The following CNDP1 variants were observed in gnomAD, a reference collection of about 807,000 sequenced individuals.
CNDP1 encodes carnosine dipeptidase 1.
In CNDP1, 44 loss-of-function variants were observed where a neutral mutation model predicts 58.1. The ratio of observed to expected loss-of-function variants is 0.76; its 90% CI spans 0.60 to 0.97. The LOEUF (loss-of-function observed/expected upper bound fraction) is 0.97, where lower values mean the gene tolerates loss of function less well. Among genes scored for constraint, CNDP1 ranks in the 50% least tolerant of loss-of-function variants. The pLI, the probability that CNDP1 is intolerant of heterozygous loss-of-function variation, is 0.00. For missense variants in CNDP1, 616 were observed against 655.1 expected, an observed-to-expected ratio of 0.94 and a Z score of 0.65; for synonymous variants, 254 against 252.6, an observed-to-expected ratio of 1.01 and a Z score of -0.05.
At chr18:74,540,221 G>A (rs112363159) in intron 1 of CNDP1, among the ~76,000 whole-genome samples, 1,773 of 150,286 alleles carry the variant, frequency 0.012, 28 homozygotes, top group African/African-American at 0.039. Flanking sequence ...GCAATGGCGC[G>A]ATCTCAGCTC....
chr18:74,584,918 CT>C lies in CNDP1; in HGVS notation c.*357del, dbSNP rs1302709054. The C allele has an allele frequency of 5.3e-6, 1 of 190,356 alleles. No homozygotes were observed. The highest frequency in any genetic ancestry group is 1.1e-5 in the Non-Finnish European group (1 of 91,450). 11.8% of individuals were successfully genotyped at this position (190,356 alleles called of 1,614,324 possible). ...ATCACTCCAGTTTGCTTTCTAGGTCCTCAAGTGCTCGTGACACATAATCATT... is the reference window on the plus strand; with the variant it reads ...ATCACTCCAGTTTGCTTTCTAGGTCCCAAGTGCTCGTGACACATAATCATT... On this transcript the variant is annotated 3_prime_UTR_variant, in exon 12 of 12. Coordinates refer to ENST00000358821, the MANE Select transcript of CNDP1 (RefSeq NM_032649.6).
chr18:74,558,395 T>TC (rs1981097493), intron 2 of CNDP1, among the ~76,000 whole-genome samples: 1 of 139,332 alleles, frequency 7.2e-6, no homozygotes, highest in South Asian at 2.3e-4. Context: ...TCTTTTTCTT[T>TC]TTTTTTTTTT....
intron 2 of CNDP1, 87 bp downstream of exon 2, chr18:74,556,553 T>C (rs1445971651): frequency 6.5e-7 from 1 of 1,543,292 alleles, no homozygotes; most frequent in Non-Finnish European, 8.9e-7. Flanking sequence ...TGCTTGGAGA[T>C]GTGGATTTTT....
In CNDP1 at chr18:74,579,781, C is replaced by T. The variant is rs539995964; in HGVS notation, c.1168-349C>T. ...AAAAGAGAAGTCCTGCTGTGTTAGG[C>T]TTCATCACTTTCAACAAGTGATGCT... On this transcript the variant is annotated intron_variant, in intron 9 of 11. Transcript: ENST00000358821. 7.2e-5 allele frequency among the ~76,000 whole-genome samples: 11 copies of T among 152,314 alleles called. No homozygotes were observed. The South Asian group carries it at 1.2e-3, about 17-fold the overall frequency.
rs1266395880 is a variant in CNDP1 at position 74,583,606 on chromosome 18, C to A, written c.1355C>A (p.Pro452Gln). 5.6e-6 allele frequency: 9 copies of A among 1,614,082 alleles called. No homozygotes were observed. In the East Asian group the frequency reaches 1.6e-4, roughly 28 times the overall value. ...ATGATCCGGGATGGATCCACCATTC[C>A]AATTGCCAAAATGTTCCAGGAGATC... The part of the protein sequence containing the change: ...PDMIRDGSTI[P>Q]IAKMFQEIVH... The change falls in exon 11 of 12, where the codon CCA (proline) becomes CAA (glutamine). Residue 452 changes from proline (P) to glutamine (Q), a missense_variant. Pro to Gln is a moderately conservative substitution (Grantham distance 76). Transcript: ENST00000358821.
intron 1 of CNDP1, among the ~76,000 whole-genome samples, chr18:74,546,234 G>C (rs1980756011): frequency 6.6e-6 from 1 of 152,202 alleles, no homozygotes; most frequent in Non-Finnish European, 1.5e-5. Context: ...TCTGGCTGAT[G>C]TCTGGCGAGG....
rs1217363533 is a variant in CNDP1 at position 74,585,012 on chromosome 18, A to G, written c.*450A>G. The G allele has an allele frequency of 6.3e-6, 1 of 159,120 alleles. No individual in the cohort carries two copies. Among genetic ancestry groups the G allele is most frequent in the Non-Finnish European group, 1.4e-5 (1 of 71,816 alleles). The allele number at this position is 159,120 out of a possible 1,614,324, so 9.9% of individuals were successfully genotyped here. A position where few individuals can be genotyped will look rare whatever the true frequency, so the allele number is the denominator to read the frequency against. Reference sequence around the variant, plus strand: ...CTTATTAATAAAAATGTTGGTCTCCACCACTGACTACAATGATTTCCCCAT... The same window carrying G: ...CTTATTAATAAAAATGTTGGTCTCCGCCACTGACTACAATGATTTCCCCAT... On this transcript the variant is annotated 3_prime_UTR_variant, in exon 12 of 12. Transcript: ENST00000358821.
intron 11 of CNDP1, 158 bp downstream of exon 11, chr18:74,583,866 C>T (rs532338799): frequency 2.8e-6 from 2 of 722,716 alleles, no homozygotes; most frequent in South Asian, 1.8e-5. Flanking sequence ...AGTTCTGGAG[C>T]CTGGATGCCC....
intron 5 of CNDP1, among the ~76,000 whole-genome samples, chr18:74,565,039 G>A (rs758598777): frequency 2.6e-5 from 4 of 152,192 alleles, no homozygotes; most frequent in Non-Finnish European, 5.9e-5. Context: ...ATCATGGCAG[G>A]AGGCAAAAGC....
intron 1 of CNDP1, among the ~76,000 whole-genome samples, chr18:74,535,960 AG>A (rs1474451986): frequency 6.6e-6 from 1 of 152,082 alleles, no homozygotes; most frequent in Non-Finnish European, 1.5e-5. Context: ...TGAACCTGGG[AG>A]GTCGAGGCTG....
chr18:74,535,487 G>A (rs150290157), intron 1 of CNDP1, among the ~76,000 whole-genome samples: 32 of 151,772 alleles, frequency 2.1e-4, no homozygotes, highest in African/African-American at 5.8e-4. Flanking sequence ...TTGCCCACCT[G>A]CAAGACCATG....
intron 1 of CNDP1, among the ~76,000 whole-genome samples, chr18:74,553,911 C>T (rs1259381615): frequency 6.6e-6 from 1 of 152,206 alleles, no homozygotes; most frequent in East Asian, 1.9e-4. Flanking sequence ...CATGGCACAT[C>T]TTACTGCTTT....
chr18:74,558,133 C>T (rs1179384228), intron 2 of CNDP1, among the ~76,000 whole-genome samples: 1 of 152,216 alleles, frequency 6.6e-6, no homozygotes, highest in Non-Finnish European at 1.5e-5. Flanking sequence ...AAAAGCTCTA[C>T]AACCAGAATA....
chr18:74,574,669 GA>G (rs1404694477), intron 7 of CNDP1: 1 of 152,142 alleles, frequency 6.6e-6, no homozygotes, highest in African/African-American at 2.4e-5. Flanking sequence ...GGGAGGGGGC[GA>G]ACTCTTAAGC....
intron 5 of CNDP1, among the ~76,000 whole-genome samples, chr18:74,562,644 C>T (rs916280028): frequency 6.6e-6 from 1 of 152,192 alleles, no homozygotes; most frequent in Non-Finnish European, 1.5e-5. Flanking sequence ...GGATCTCTTC[C>T]CTGAGAGCAC....
At chr18:74,561,973 A>G in intron 4 of CNDP1, 74 bp from the exon 5 acceptor site, 4 of 1,262,530 alleles carry the variant, frequency 3.2e-6, no homozygotes, top group Non-Finnish European at 4.6e-6. Flanking sequence ...AGTACCCATG[A>G]AACGACATTG....
chr18:74,558,892 C>T (rs571240208), intron 2 of CNDP1, among the ~76,000 whole-genome samples: 9 of 152,230 alleles, frequency 5.9e-5, no homozygotes, highest in Non-Finnish European at 1.0e-4. Context: ...CCAGCAGAGG[C>T]CCCTGTGGGG....
rs757201980 is a variant in CNDP1, at chr18:74,545,680, G to A, written c.25-10658G>A. Among the ~76,000 whole-genome samples the A allele has an allele frequency of 1.6e-4, 25 of 151,998 alleles. No homozygotes were observed. The highest frequency in any genetic ancestry group is 4.3e-4 in the African/African-American group (18 of 41,426). Reference sequence around the variant, plus strand: ...CTCCTCCTCCTCTCTGCTGTTCTGCGGCCGGAACATCTTAATTTCACGTGC... The same window carrying A: ...CTCCTCCTCCTCTCTGCTGTTCTGCAGCCGGAACATCTTAATTTCACGTGC... On this transcript the variant is annotated intron_variant, in intron 1 of 11. Coordinates refer to ENST00000358821, the MANE Select transcript of CNDP1 (RefSeq NM_032649.6). This position sits in a 1 kb window ranked among gnomAD's most constrained non-coding sequence, Gnocchi z 4.1.
rs1555707393 is a variant in CNDP1, at chr18:74,534,644, T to C, written c.-24T>C. 1.9e-6 allele frequency: 3 copies of C among 1,614,002 alleles called. No individual in the cohort carries two copies. The highest frequency in any genetic ancestry group is 2.2e-5 in the South Asian group (2 of 91,070). On this transcript the variant is annotated 5_prime_UTR_variant, in exon 1 of 12. An upstream open reading frame in the 5' UTR loses its in-frame stop. Coordinates refer to ENST00000358821, the MANE Select transcript of CNDP1 (RefSeq NM_032649.6). ...ATTTTTTGGAGGTTGGGAAAGTTGC[T>C]AGAGGCTTCAGAACTCCAGCCTAAT...
Sources: allele counts gnomAD v4.1 joint callset (sites outside exome capture counted in the v4.1 genomes callset), GRCh38; gene constraint gnomAD v4.1.1; non-coding constraint Gnocchi (gnomAD v3.1); transcripts MANE v1.5; gene names NCBI Gene and HGNC (gene_info 2026-07-23, HGNC 2026-07-21).